Variants in GABRA5 observed in about 807,000 individuals in gnomAD.
The protein encoded by GABRA5 is gamma-aminobutyric acid receptor subunit alpha-5.
In GABRA5, 18 loss-of-function variants were observed where a neutral mutation model predicts 47.3. The observed-to-expected ratio is 0.38, with a 90% CI of 0.26 to 0.56. The LOEUF (loss-of-function observed/expected upper bound fraction) is 0.56, where lower values mean the gene tolerates loss of function less well. Among genes scored for constraint, GABRA5 ranks in the 20% least tolerant of loss-of-function variants. The pLI is 0.71. For missense variants in GABRA5, 365 were observed against 599.3 expected, an observed-to-expected ratio of 0.61 and a Z score of 4.08; for synonymous variants, 237 against 229.3, an observed-to-expected ratio of 1.03 and a Z score of -0.30.
intron 7 of GABRA5, among the ~76,000 whole-genome samples, chr15:26,927,980 T>G (rs1186746851): frequency 2.0e-5 from 3 of 152,202 alleles, no homozygotes; most frequent in Non-Finnish European, 4.4e-5. Flanking sequence ...ATAAGGAAAT[T>G]CCTTAAAAAT....
At chr15:26,941,460 C>G (rs1451041124) in intron 9 of GABRA5, among the ~76,000 whole-genome samples, 4 of 152,072 alleles carry the variant, frequency 2.6e-5, no homozygotes, top group East Asian at 1.9e-4. Flanking sequence ...TCAAAGATTT[C>G]TATTGATTCC....
intron 7 of GABRA5, among the ~76,000 whole-genome samples, chr15:26,916,654 A>G (rs1326689556): frequency 6.6e-6 from 1 of 152,162 alleles, no homozygotes; most frequent in African/African-American, 2.4e-5. Flanking sequence ...TCTAAAGATC[A>G]CTTGGGTAGT....
At chr15:26,916,354 T>C (rs181865384) in intron 7 of GABRA5, among the ~76,000 whole-genome samples, 42 of 152,332 alleles carry the variant, frequency 2.8e-4, no homozygotes, top group African/African-American at 1.0e-3. Context: ...TTTTGTATTC[T>C]TGGCACTCTT....
chr15:26,918,975 C>CA (rs202224972), intron 7 of GABRA5, among the ~76,000 whole-genome samples: 29 of 149,584 alleles, frequency 1.9e-4, no homozygotes, highest in Admixed American at 6.6e-4. Context: ...ACCATCTCTA[C>CA]AAAAAACAAA....
Position 26,880,971 on chromosome 15 carries a change from A to T in GABRA5, c.208+4A>T. 1 of 1,613,590 alleles carries T rather than the reference A, an allele frequency of 6.2e-7. No homozygotes were observed. The highest frequency in any genetic ancestry group is 8.5e-7 in the Non-Finnish European group (1 of 1,179,722). ...AGACTTCGGCCCGGGCTGGGAGGTG[A>T]GTGTGCTCTCCTCAGCTGAGCCCAG... On this transcript the variant is annotated splice_donor_region_variant and intron_variant, in intron 4 of 10. Transcript: ENST00000335625.
intron 7 of GABRA5, among the ~76,000 whole-genome samples, chr15:26,917,657 T>C: frequency 6.6e-6 from 1 of 152,126 alleles, no homozygotes; most frequent in East Asian, 1.9e-4. Flanking sequence ...TCCTTAAATG[T>C]TTGGTAGAAT....
At chr15:26,872,553 C>T (rs1002843500) in intron 3 of GABRA5, among the ~76,000 whole-genome samples, 7 of 151,982 alleles carry the variant, frequency 4.6e-5, no homozygotes, top group South Asian at 2.1e-4. Flanking sequence ...TGGGGATTAG[C>T]GGGAAAAAAG....
chr15:26,867,366 C>T lies in GABRA5; in HGVS notation c.-140+255C>T, dbSNP rs1407966503. On this transcript the variant is annotated intron_variant, in intron 1 of 10. Transcript: ENST00000335625. The surrounding 1 kb of genome is among the most constrained non-coding windows in gnomAD (Gnocchi z 5.9). Reference sequence around the variant, plus strand: ...ATGCATCCTCACCGACGGCTCGCCTCCCGGGGCCGGCGCGCAGGGTGAGCC... The same window carrying T: ...ATGCATCCTCACCGACGGCTCGCCTTCCGGGGCCGGCGCGCAGGGTGAGCC... 2 of 151,860 alleles carry T rather than the reference C, an allele frequency of 1.3e-5. No individual in the cohort carries two copies. Among genetic ancestry groups the T allele is most frequent in the Non-Finnish European group, 2.9e-5 (2 of 67,958 alleles). 9.4% of individuals were successfully genotyped at this position (151,860 alleles called of 1,614,324 possible). A position where few individuals can be genotyped will look rare whatever the true frequency, so the allele number is the denominator to read the frequency against.
intron 6 of GABRA5, among the ~76,000 whole-genome samples, chr15:26,911,748 C>T (rs1329075915): frequency 6.6e-6 from 1 of 152,098 alleles, no homozygotes; most frequent in African/African-American, 2.4e-5. Context: ...GATGCCAGCA[C>T]AGAGCAATGG....
At chr15:26,891,736 C>T (rs1180690981) in intron 6 of GABRA5, among the ~76,000 whole-genome samples, 1 of 152,186 alleles carries the variant, frequency 6.6e-6, no homozygotes, top group Non-Finnish European at 1.5e-5. Flanking sequence ...GCCTCAGGTC[C>T]TCCCTAGTGC....
At chr15:26,939,428 C>G in intron 8 of GABRA5, 3 of 764,844 alleles carry the variant, frequency 3.9e-6, no homozygotes, top group Non-Finnish European at 7.2e-6. Flanking sequence ...GCCTCCTGAG[C>G]TGCTGCATCT....
chr15:26,892,595 A>C (rs1408304695), intron 6 of GABRA5, among the ~76,000 whole-genome samples: 1 of 152,290 alleles, frequency 6.6e-6, no homozygotes, highest in Admixed American at 6.5e-5. Context: ...CAAATAAACT[A>C]TGACATCTAG....
chr15:26,939,444 T>A (rs760003409), intron 8 of GABRA5: 3 of 762,896 alleles, frequency 3.9e-6, no homozygotes, highest in Non-Finnish European at 7.2e-6. Flanking sequence ...CATCTCACTC[T>A]GCACCTGCGA....
intron 7 of GABRA5, among the ~76,000 whole-genome samples, chr15:26,915,442 A>C (rs1256377556): frequency 1.3e-5 from 2 of 152,224 alleles, no homozygotes; most frequent in African/African-American, 4.8e-5. Context: ...GTATACACTT[A>C]TACAATTCTA....
chr15:26,909,803 G>C (rs1893535885), intron 6 of GABRA5, among the ~76,000 whole-genome samples: 1 of 152,196 alleles, frequency 6.6e-6, no homozygotes, highest in Admixed American at 6.5e-5. Flanking sequence ...CCCTTTTGCT[G>C]AGTGAGGTAG....
chr15:26,948,972 C>G lies in GABRA5; in HGVS notation c.*739C>G, dbSNP rs1257924713. 6.6e-6 allele frequency: 1 copy of G among 152,146 alleles called. No homozygotes were observed. The highest frequency in any genetic ancestry group is 1.5e-5 in the Non-Finnish European group (1 of 68,012). 9.4% of individuals were successfully genotyped at this position (152,146 alleles called of 1,614,324 possible). A position where few individuals can be genotyped will look rare whatever the true frequency, so the allele number is the denominator to read the frequency against. On this transcript the variant is annotated 3_prime_UTR_variant, in exon 11 of 11. Transcript: ENST00000335625. ...CAAGAAAGGAAAGGAGATGTTAAAA[C>G]AAACAGTGTTTTGATGACATTCTCA...
At chr15:26,873,043 G>A (rs1892510190) in intron 3 of GABRA5, among the ~76,000 whole-genome samples, 1 of 152,132 alleles carries the variant, frequency 6.6e-6, no homozygotes, top group African/African-American at 2.4e-5. Flanking sequence ...ACCAAGTCAA[G>A]TATACAATAC....
chr15:26,883,279 G>GCAGGCCCCCGCC lies in GABRA5; in HGVS notation c.277-49_277-38dup, dbSNP rs778700136. On this transcript the variant is annotated intron_variant, in intron 5 of 10. Transcript: ENST00000335625. This position sits in a 1 kb window ranked among gnomAD's most constrained non-coding sequence, Gnocchi z 4.8. ...GGGCAGACAATTCTTACTCCGCGCC[G>GCAGGCCCCCGCC]CAGGCCCCCGCCCAGGCCCCGTGCC... The GCAGGCCCCCGCC allele has an allele frequency of 3.3e-5, 53 of 1,609,850 alleles. No individual in the cohort carries two copies. The highest frequency in any genetic ancestry group is 4.5e-5 in the Non-Finnish European group (53 of 1,176,316).
intron 6 of GABRA5, 149 bp from the exon 7 acceptor site, chr15:26,914,654 T>C: frequency 1.6e-6 from 1 of 635,918 alleles, no homozygotes; most frequent in South Asian, 1.9e-5. Context: ...AACACAAACT[T>C]ACGTAATTTG....
Sources: allele counts gnomAD v4.1 joint callset (sites outside exome capture counted in the v4.1 genomes callset), GRCh38; gene constraint gnomAD v4.1.1; non-coding constraint Gnocchi (gnomAD v3.1); transcripts MANE v1.5; gene names NCBI Gene and HGNC (gene_info 2026-07-23, HGNC 2026-07-21).